Variants in NAV2 observed in about 807,000 individuals in gnomAD.
NAV2 encodes the protein neuron navigator 2.
Under a neutral mutation model 223.2 loss-of-function variants are expected in NAV2, and 54 were observed. That is an observed-to-expected ratio of 0.24 (90% confidence interval 0.19 to 0.30). The LOEUF is 0.30. Ranked by LOEUF, NAV2 falls within the 10% of genes least tolerant of loss-of-function variation. The pLI is 1.00. For synonymous variants in NAV2, 1,279 were observed against 1,239.3 expected (o/e 1.03, Z -0.67); for missense variants, 2,806 against 3,147.5 (o/e 0.89, Z 2.60).
intron 1 of NAV2, among the ~76,000 whole-genome samples, chr11:19,636,449 C>A (rs1031023607): frequency 6.6e-6 from 1 of 151,736 alleles, no homozygotes; most frequent in Non-Finnish European, 1.5e-5. Flanking sequence ...CAAGTCTGTG[C>A]ATGCAATTCT....
intron 1 of NAV2, among the ~76,000 whole-genome samples, chr11:19,660,533 G>T (rs1056248750): frequency 6.6e-6 from 1 of 152,066 alleles, no homozygotes; most frequent in African/African-American, 2.4e-5. Context: ...TACTAGGGAG[G>T]GGGAGAAGCC....
intron 1 of NAV2, among the ~76,000 whole-genome samples, chr11:19,678,076 C>T (rs1043465465): frequency 6.6e-6 from 1 of 152,148 alleles, no homozygotes; most frequent in African/African-American, 2.4e-5. Flanking sequence ...GGCTGCGCCG[C>T]AGGAATAGGA....
chr11:19,495,827 G>A (rs1364233023), intron 1 of NAV2, among the ~76,000 whole-genome samples: 1 of 152,128 alleles, frequency 6.6e-6, no homozygotes, highest in African/African-American at 2.4e-5. Flanking sequence ...GATTGCTAAG[G>A]GAGAACAAGT....
chr11:19,837,772 G>T (rs1370397942), intron 2 of NAV2, among the ~76,000 whole-genome samples: 1 of 152,156 alleles, frequency 6.6e-6, no homozygotes, highest in Non-Finnish European at 1.5e-5. Context: ...AAAGAGATGT[G>T]ACAGCTAAAT....
intron 8 of NAV2, among the ~76,000 whole-genome samples, chr11:19,945,555 G>A (rs891045245): frequency 2.3e-4 from 35 of 152,136 alleles, no homozygotes; most frequent in African/African-American, 8.0e-4. Context: ...ATGTTTCCCA[G>A]GCTGGTCTTG....
At chr11:19,608,174 G>A (rs1590667014) in intron 1 of NAV2, among the ~76,000 whole-genome samples, 1 of 152,178 alleles carries the variant, frequency 6.6e-6, no homozygotes, top group Non-Finnish European at 1.5e-5. Context: ...AGAGGCTTGG[G>A]GACTGTTCAG....
intron 34 of NAV2, 129 bp downstream of exon 34, chr11:20,103,853 T>G: frequency 1.2e-6 from 1 of 813,548 alleles, no homozygotes; most frequent in Non-Finnish European, 2.1e-6. Context: ...TTTTCTCAGC[T>G]TAATCCATTT....
chr11:19,666,381 T>C (rs897029356), intron 1 of NAV2, among the ~76,000 whole-genome samples: 4 of 152,224 alleles, frequency 2.6e-5, no homozygotes, highest in Non-Finnish European at 4.4e-5. Context: ...GTTCCTCCTG[T>C]CATCACAGTC....
intron 4 of NAV2, among the ~76,000 whole-genome samples, chr11:19,873,377 A>G (rs1380432166): frequency 1.3e-5 from 2 of 152,144 alleles, no homozygotes; most frequent in African/African-American, 2.4e-5. Context: ...CCCAGATTTC[A>G]TGGGATGAAT....
At chr11:19,649,808 A>G (rs979862923) in intron 1 of NAV2, among the ~76,000 whole-genome samples, 24 of 152,266 alleles carry the variant, frequency 1.6e-4, no homozygotes, top group Non-Finnish European at 1.8e-4. Context: ...CACAAAAGAC[A>G]TATGAATGGT....
In NAV2 at chr11:19,956,020, C is replaced by T. The variant is rs563652149; in HGVS notation, c.2645+6940C>T. On this transcript the variant is annotated intron_variant, in intron 10 of 37. Coordinates refer to ENST00000349880, the MANE Select transcript of NAV2 (RefSeq NM_145117.5). ...TTTCTCTAGGCCGATCCCACTGAAACGATCTTGGCTTTTGGCGCTCTTGGA... is the reference window on the plus strand; with the variant it reads ...TTTCTCTAGGCCGATCCCACTGAAATGATCTTGGCTTTTGGCGCTCTTGGA... 3.2e-4 allele frequency among the ~76,000 whole-genome samples: 49 copies of T among 152,272 alleles called. 1 individual carries two copies. The South Asian group carries it at 9.4e-3, about 29-fold the overall frequency.
intron 11 of NAV2, among the ~76,000 whole-genome samples, chr11:20,018,374 A>AG (rs397710964): frequency 2.0e-5 from 3 of 150,508 alleles, no homozygotes; most frequent in Non-Finnish European, 4.4e-5. Context: ...AAAAAAAAAA[A>AG]GTGAAACTAA....
intron 3 of NAV2, among the ~76,000 whole-genome samples, chr11:19,846,508 A>C (rs1344772843): frequency 6.6e-6 from 1 of 152,208 alleles, no homozygotes; most frequent in South Asian, 2.1e-4. Context: ...GAGGTCATCA[A>C]TTCCTGTGGA....
chr11:19,663,853 G>A (rs893789403), intron 1 of NAV2, among the ~76,000 whole-genome samples: 3 of 152,118 alleles, frequency 2.0e-5, no homozygotes, highest in Non-Finnish European at 4.4e-5. Context: ...TAAGAGTATG[G>A]ACTCATTTTC....
chr11:19,650,136 G>A (rs2047929478), intron 1 of NAV2, among the ~76,000 whole-genome samples: 1 of 152,150 alleles, frequency 6.6e-6, no homozygotes, highest in Non-Finnish European at 1.5e-5. Flanking sequence ...GACCTTATTT[G>A]GATACAAGGT....
At chr11:19,396,490 G>A (rs1377434193) in intron 1 of NAV2, among the ~76,000 whole-genome samples, 2 of 152,198 alleles carry the variant, frequency 1.3e-5, no homozygotes, top group African/African-American at 4.8e-5. Context: ...CCCTATCTGT[G>A]TCCTTCTGCT....
chr11:19,789,458 A>G lies in NAV2; in HGVS notation c.268-43026A>G, dbSNP rs1718146500. On this transcript the variant is annotated intron_variant, in intron 1 of 37. Transcript: ENST00000349880. Reference sequence around the variant, plus strand: ...GAGACTGATGCTATTTTCGGCCGTTATTGTTATTGTTAGCTTATAGAAGTA... The same window carrying G: ...GAGACTGATGCTATTTTCGGCCGTTGTTGTTATTGTTAGCTTATAGAAGTA... Among the ~76,000 whole-genome samples the G allele has an allele frequency of 2.0e-5, 3 of 152,222 alleles. 1 individual carries two copies. The South Asian group carries it at 6.2e-4, about 32-fold the overall frequency.
At chr11:19,763,668 C>T (rs2054957960) in intron 1 of NAV2, among the ~76,000 whole-genome samples, 1 of 151,904 alleles carries the variant, frequency 6.6e-6, no homozygotes, top group African/African-American at 2.4e-5. Flanking sequence ...AAAGCAAACC[C>T]CAAATGCCAC....
At chr11:19,573,760 G>C (rs1386799790) in intron 1 of NAV2, among the ~76,000 whole-genome samples, 1 of 152,206 alleles carries the variant, frequency 6.6e-6, no homozygotes, top group African/African-American at 2.4e-5. Flanking sequence ...TACCCAGCCT[G>C]TCAGGGAGGC....
Sources: gnomAD v4.1 joint callset for allele counts (sites outside exome capture counted in the v4.1 genomes callset) on GRCh38, gnomAD v4.1.1 for gene constraint, MANE v1.5 for transcripts, NCBI Gene and HGNC (gene_info 2026-07-23, HGNC 2026-07-21) for gene names.